TBC1D1: variants seen among roughly 807,000 people sequenced by gnomAD.
The protein encoded by TBC1D1 is TBC1 (tre-2/USP6, BUB2, cdc16) domain family, member 1.
In TBC1D1, 89 loss-of-function variants were observed where a neutral mutation model predicts 125.6. The ratio of observed to expected loss-of-function variants is 0.71; its 90% confidence interval spans 0.60 to 0.85. The LOEUF is 0.85. TBC1D1 is among the 40% of genes least tolerant of loss of function. The pLI is 0.00. For synonymous variants in TBC1D1, 565 were observed against 564.1 expected (o/e 1.00, Z -0.02); for missense variants, 1,377 against 1,469.2 (o/e 0.94, Z 1.03).
intron 12 of TBC1D1, among the ~76,000 whole-genome samples, chr4:38,074,447 C>T (rs1037630806): frequency 6.6e-6 from 1 of 152,168 alleles, no homozygotes; most frequent in African/African-American, 2.4e-5. Context: ...TTGGAAGGAT[C>T]GATTTCCCCT....
intron 2 of TBC1D1, chr4:37,960,816 T>C: frequency 6.2e-7 from 1 of 1,614,178 alleles, no homozygotes; most frequent in Non-Finnish European, 8.5e-7. Flanking sequence ...CTTTGAGAGT[T>C]TTGACCTGCC....
At chr4:37,957,242 G>A (rs113106387) in intron 2 of TBC1D1, among the ~76,000 whole-genome samples, 21 of 152,332 alleles carry the variant, frequency 1.4e-4, no homozygotes, top group Non-Finnish European at 2.5e-4. Context: ...TATGATACCT[G>A]ATATGACACA....
At chr4:38,057,024 G>A (rs928098342) in intron 12 of TBC1D1, among the ~76,000 whole-genome samples, 3 of 152,078 alleles carry the variant, frequency 2.0e-5, no homozygotes, top group Non-Finnish European at 2.9e-5. Flanking sequence ...ACAGGGCCTG[G>A]CATAGATGCT....
intron 12 of TBC1D1, among the ~76,000 whole-genome samples, chr4:38,058,901 C>G (rs959685239): frequency 6.6e-6 from 1 of 152,004 alleles, no homozygotes; most frequent in East Asian, 1.9e-4. Flanking sequence ...AGGAGTGTGT[C>G]TCTAACTAAA....
chr4:38,131,765 G>T (rs557758424), intron 18 of TBC1D1, among the ~76,000 whole-genome samples: 1 of 152,124 alleles, frequency 6.6e-6, no homozygotes, highest in Non-Finnish European at 1.5e-5. Flanking sequence ...CCTCACGGTC[G>T]CTCTGAAGGA....
intron 2 of TBC1D1, among the ~76,000 whole-genome samples, chr4:37,958,923 C>T (rs1329506896): frequency 6.6e-6 from 1 of 152,176 alleles, no homozygotes; most frequent in Non-Finnish European, 1.5e-5. Flanking sequence ...CCATTGTCTT[C>T]CACTGGCACA....
intron 2 of TBC1D1, among the ~76,000 whole-genome samples, chr4:37,932,548 G>A (rs1723478698): frequency 6.6e-6 from 1 of 152,160 alleles, no homozygotes; most frequent in South Asian, 2.1e-4. Context: ...AGAGAGATAT[G>A]ATTTGATATT....
chr4:38,134,081 TA>T (rs1454923791), intron 19 of TBC1D1, among the ~76,000 whole-genome samples: 1 of 152,246 alleles, frequency 6.6e-6, no homozygotes, highest in Non-Finnish European at 1.5e-5. Flanking sequence ...AGGGTGTTTT[TA>T]AAAGTTGTTT....
At chr4:37,900,506 T>C (rs1397794630) in intron 1 of TBC1D1, among the ~76,000 whole-genome samples, 2 of 152,046 alleles carry the variant, frequency 1.3e-5, no homozygotes, top group Non-Finnish European at 2.9e-5. Flanking sequence ...GAGTCCCTAC[T>C]TTGAGTCAGG....
intron 12 of TBC1D1, among the ~76,000 whole-genome samples, chr4:38,075,566 T>TC (rs1329174600): frequency 4.6e-5 from 7 of 152,184 alleles, no homozygotes; most frequent in Non-Finnish European, 1.0e-4. Flanking sequence ...GACTTCCCCA[T>TC]CCCCTCTCCT....
intron 2 of TBC1D1, among the ~76,000 whole-genome samples, chr4:37,979,593 CCCTT>C (rs1435761399): frequency 6.6e-6 from 1 of 152,144 alleles, no homozygotes. Context: ...TTCAGAATGC[CCCTT>C]CAGAAACACA....
chr4:37,931,355 C>T (rs1723219199), intron 2 of TBC1D1, among the ~76,000 whole-genome samples: 1 of 152,100 alleles, frequency 6.6e-6, no homozygotes, highest in African/African-American at 2.4e-5. Context: ...CCTCGGCCTC[C>T]CAAAGTGCTG....
chr4:37,968,621 C>G (rs1731483482), intron 2 of TBC1D1, among the ~76,000 whole-genome samples: 1 of 152,218 alleles, frequency 6.6e-6, no homozygotes. Flanking sequence ...TACTTCTCCT[C>G]TACATTTTCT....
At chr4:38,050,372 G>T (rs1194400580) in intron 11 of TBC1D1, among the ~76,000 whole-genome samples, 1 of 152,194 alleles carries the variant, frequency 6.6e-6, no homozygotes, top group East Asian at 1.9e-4. Context: ...TGACCTGGAC[G>T]AATTTGCTAA....
rs556600749 is a variant in TBC1D1 at position 38,024,112 on chromosome 4, C to G, written c.1210+2394C>G. Among the ~76,000 whole-genome samples the G allele has an allele frequency of 3.9e-5, 6 of 152,276 alleles. No individual in the cohort carries two copies. In the South Asian group the frequency reaches 1.2e-3, roughly 32 times the overall value. The stretch of plus-strand genomic sequence containing the variant: ...AAGGTCTGGGAAGGGTCATTTGTAG[C>G]ATTACAGTGCTCTTTAAAATGAAGA... On this transcript the variant is annotated intron_variant, in intron 6 of 19. Transcript: ENST00000261439.
chr4:37,960,716 C>T (rs557030910), intron 2 of TBC1D1: 111 of 1,614,140 alleles, frequency 6.9e-5, no homozygotes, highest in African/African-American at 1.1e-4. Flanking sequence ...AAAAGATGAC[C>T]GAGAAGACTG....
chr4:37,933,064 CA>C (rs1224566138), intron 2 of TBC1D1, among the ~76,000 whole-genome samples: 3 of 146,998 alleles, frequency 2.0e-5, no homozygotes, highest in African/African-American at 7.4e-5. Context: ...AACAAAAAAA[CA>C]AAAAAACAAA....
intron 19 of TBC1D1, among the ~76,000 whole-genome samples, chr4:38,134,163 T>C (rs1766076316): frequency 6.6e-6 from 1 of 152,226 alleles, no homozygotes; most frequent in Admixed American, 6.5e-5. Flanking sequence ...GTCCTGAGAA[T>C]AAGTTCCATT....
intron 13 of TBC1D1, among the ~76,000 whole-genome samples, chr4:38,090,587 A>C (rs1758262306): frequency 6.6e-6 from 1 of 152,216 alleles, no homozygotes; most frequent in African/African-American, 2.4e-5. Flanking sequence ...GAATTAGCTG[A>C]GTTCTACCTG....
Sources: gnomAD v4.1 joint callset for allele counts (sites outside exome capture counted in the v4.1 genomes callset) on GRCh38, gnomAD v4.1.1 for gene constraint, MANE v1.5 for transcripts, NCBI Gene and HGNC (gene_info 2026-07-23, HGNC 2026-07-21) for gene names.